CEMIP: variants seen among roughly 807,000 people sequenced by gnomAD.
CEMIP encodes cell migration inducing hyaluronidase 1, also known as cell migration-inducing and hyaluronan-binding protein.
Under a neutral mutation model 156.9 loss-of-function variants are expected in CEMIP, and 105 were observed. That is an observed-to-expected ratio of 0.67 (90% CI 0.57 to 0.79). CEMIP has a LOEUF of 0.79. Ranked by LOEUF, CEMIP falls within the 30% of genes least tolerant of loss-of-function variation. The probability of loss-of-function intolerance (pLI) is 0.00; values close to 1 mark genes in which losing one functional copy is unlikely to be tolerated. For synonymous variants in CEMIP, 676 were observed against 668.4 expected, an observed-to-expected ratio of 1.01 and a Z score of -0.17; for missense variants, 1,457 against 1,769.4, an observed-to-expected ratio of 0.82 and a Z score of 3.17.
chr15:80,862,412 C>T (rs759582473), intron 1 of CEMIP, among the ~76,000 whole-genome samples: 16 of 152,148 alleles, frequency 1.1e-4, no homozygotes, highest in East Asian at 7.7e-4. Flanking sequence ...GACTCAAAGT[C>T]GGGGCTGGAG....
chr15:80,818,995 C>G (rs1296335729), intron 1 of CEMIP, among the ~76,000 whole-genome samples: 1 of 152,158 alleles, frequency 6.6e-6, no homozygotes, highest in African/African-American at 2.4e-5. Context: ...TACAAAGGAC[C>G]AGGTTATCTC....
chr15:80,897,532 G>A lies in CEMIP; in HGVS notation c.1411+1472G>A, dbSNP rs114377246. ...AGGCTTACGTGTTTTGGAGGGAGAT[G>A]GTAATTTGGTGAGTGTAGCTAAAGA... On this transcript the variant is annotated intron_variant, in intron 12 of 29. Coordinates refer to ENST00000394685, the MANE Select transcript of CEMIP (RefSeq NM_001293298.2). Among the ~76,000 whole-genome samples, 404 of 152,286 alleles carry A rather than the reference G, an allele frequency of 2.7e-3. 3 individuals are homozygous for A. Among genetic ancestry groups the A allele is most frequent in the Middle Eastern group, 0.01 (3 of 294 alleles).
At chr15:80,925,490 G>A in intron 18 of CEMIP, 134 bp from the exon 19 acceptor site, 1 of 1,215,328 alleles carries the variant, frequency 8.2e-7, no homozygotes, top group African/African-American at 1.5e-5. Context: ...CCCAGGCAAT[G>A]CGAATGGGTT....
chr15:80,942,186 A>G (rs532326749), intron 26 of CEMIP, 65 bp from the exon 27 acceptor site: 2 of 1,505,580 alleles, frequency 1.3e-6, no homozygotes, highest in African/African-American at 2.7e-5. Context: ...GACTGGGGAT[A>G]CGGGAAGAGG....
chr15:80,818,598 G>T (rs914401466), intron 1 of CEMIP, among the ~76,000 whole-genome samples: 4 of 152,200 alleles, frequency 2.6e-5, no homozygotes, highest in African/African-American at 9.7e-5. Flanking sequence ...TGTCAGAATA[G>T]CTCATCAATT....
At chr15:80,898,023 G>A (rs564570410) in intron 12 of CEMIP, among the ~76,000 whole-genome samples, 1 of 152,378 alleles carries the variant, frequency 6.6e-6, no homozygotes, top group African/African-American at 2.4e-5. Flanking sequence ...GAGCAGCAAT[G>A]CTGGGAGCAG....
chr15:80,811,394 G>A (rs1254577484), intron 1 of CEMIP, among the ~76,000 whole-genome samples: 1 of 152,152 alleles, frequency 6.6e-6, no homozygotes, highest in Non-Finnish European at 1.5e-5. Context: ...AAATTACAGA[G>A]CACAGTCCTG....
chr15:80,813,634 C>T (rs1252469710), intron 1 of CEMIP, among the ~76,000 whole-genome samples: 2 of 151,960 alleles, frequency 1.3e-5, no homozygotes, highest in Non-Finnish European at 2.9e-5. Context: ...GTGTGAGCCA[C>T]CACACCCGGC....
chr15:80,803,270 A>T (rs1234715522), intron 1 of CEMIP, among the ~76,000 whole-genome samples: 1 of 152,192 alleles, frequency 6.6e-6, no homozygotes, highest in African/African-American at 2.4e-5. Context: ...CAAGGAGGTT[A>T]TTGGGACAGC....
At chr15:80,943,502 C>T (rs75578357) in intron 28 of CEMIP, among the ~76,000 whole-genome samples, 14,926 of 152,282 alleles carry the variant, frequency 0.098, 912 homozygotes, top group Middle Eastern at 0.19. Context: ...TTGGACAACG[C>T]CACCTGGACA....
intron 1 of CEMIP, among the ~76,000 whole-genome samples, chr15:80,870,166 C>A (rs1485672500): frequency 6.6e-6 from 1 of 152,176 alleles, no homozygotes; most frequent in Non-Finnish European, 1.5e-5. Flanking sequence ...CCTGGCTACC[C>A]CACCGTCCTG....
intron 21 of CEMIP, among the ~76,000 whole-genome samples, chr15:80,931,533 T>C (rs540418225): frequency 5.3e-5 from 8 of 152,310 alleles, no homozygotes; most frequent in Admixed American, 5.2e-4. Flanking sequence ...TACAGGACCA[T>C]TCTCCAAACT....
In CEMIP at chr15:80,943,061, A is replaced by T; in HGVS notation, c.3816A>T (p.Ile1272=). 6.2e-7 allele frequency: 1 copy of T among 1,614,198 alleles called. No homozygotes were observed. The highest frequency in any genetic ancestry group is 8.5e-7 in the Non-Finnish European group (1 of 1,180,030). ...TSFRNSILQG[I]PWQLFNYVAT... Reference sequence around the variant, plus strand: ...TCAGGAACTCCATTCTGCAAGGCATACCATGGCAGCTTTTCAACTATGTGG... The same window carrying T: ...TCAGGAACTCCATTCTGCAAGGCATTCCATGGCAGCTTTTCAACTATGTGG... The change falls in exon 28 of 30, where the codon ATA becomes ATT. Residue 1272 remains isoleucine, a synonymous_variant. Coordinates refer to ENST00000394685, the MANE Select transcript of CEMIP (RefSeq NM_001293298.2).
At chr15:80,900,650 C>CTGTGTGTGTG (rs1899479196) in intron 12 of CEMIP, among the ~76,000 whole-genome samples, 1 of 84,578 alleles carries the variant, frequency 1.2e-5, no homozygotes, top group Non-Finnish European at 2.5e-5. Flanking sequence ...GTGTGTGTGT[C>CTGTGTGTGTG]TGTGTGTGTG....
chr15:80,808,473 C>T (rs953885553), intron 1 of CEMIP, among the ~76,000 whole-genome samples: 1 of 152,148 alleles, frequency 6.6e-6, no homozygotes, highest in African/African-American at 2.4e-5. Flanking sequence ...ATAGAGCTGA[C>T]CTATGAGATT....
At chr15:80,828,876 T>C (rs915331157) in intron 1 of CEMIP, among the ~76,000 whole-genome samples, 3 of 152,242 alleles carry the variant, frequency 2.0e-5, no homozygotes, top group African/African-American at 7.2e-5. Context: ...GCAGTTGATC[T>C]GTGTGAGCCA....
At position 80,947,020 on chromosome 15, in the gene CEMIP, A is replaced by G; in HGVS notation, c.3913A>G (p.Arg1305Gly). 6.2e-7 allele frequency: 1 copy of G among 1,614,170 alleles called. No individual in the cohort carries two copies. The highest frequency in any genetic ancestry group is 8.5e-7 in the Non-Finnish European group (1 of 1,179,982). ...GRYVSRGPWT[R>G]VLEKLGADRG... ...ATACGTCTCCAGAGGCCCATGGACC[A>G]GAGTGCTGGAAAAGCTTGGGGCAGA... The change falls in exon 29 of 30, where the codon AGA becomes GGA. Residue 1305 changes from arginine (R) to glycine (G), a missense_variant. By Grantham distance (125) the Arg-to-Gly change is moderately radical. This residue lies in a region of CEMIP where 798 missense variants were observed against 980.1 expected (regional missense o/e 0.81). Transcript: ENST00000394685.
At position 80,931,857 on chromosome 15, in the gene CEMIP, A is replaced by T; in HGVS notation, c.2613-2A>T. On this transcript the variant is annotated splice_acceptor_variant, in intron 21 of 29. Transcript: ENST00000394685. LOFTEE classifies it high-confidence loss of function. ...TGACATCTTACTTCCTTAACTCCGTAGGAATTTTCCAATTAGAGGAATTCA... is the reference window on the plus strand; with the variant it reads ...TGACATCTTACTTCCTTAACTCCGTTGGAATTTTCCAATTAGAGGAATTCA... The T allele has an allele frequency of 6.2e-7, 1 of 1,613,792 alleles. No homozygotes were observed. Among genetic ancestry groups the T allele is most frequent in the Non-Finnish European group, 8.5e-7 (1 of 1,179,704 alleles).
chr15:80,929,304 G>A (rs1359416816), intron 21 of CEMIP, 130 bp downstream of exon 21: 5 of 1,151,734 alleles, frequency 4.3e-6, no homozygotes, highest in Non-Finnish European at 6.5e-6. Context: ...AGGAATCACT[G>A]AGGTGACTGA....
Sources: allele counts gnomAD v4.1 joint callset (sites outside exome capture counted in the v4.1 genomes callset), GRCh38; gene constraint gnomAD v4.1.1; regional missense constraint gnomAD v4.1.1; transcripts MANE v1.5; gene names NCBI Gene and HGNC (gene_info 2026-07-23, HGNC 2026-07-21).